Variants in ABL2 observed in about 807,000 individuals in gnomAD.
The protein encoded by ABL2 is ABL proto-oncogene 2, non-receptor tyrosine kinase.
In ABL2, 49 loss-of-function variants were observed where a neutral mutation model predicts 107.7. That is an observed-to-expected ratio of 0.45 (90% CI 0.36 to 0.58). The LOEUF (loss-of-function observed/expected upper bound fraction) is 0.58, where lower values mean the gene tolerates loss of function less well. ABL2 is among the 20% of genes least tolerant of loss of function. ABL2 has a pLI of 0.00. For synonymous variants in ABL2, 549 were observed against 548.6 expected (o/e 1.00, Z -0.01); for missense variants, 1,245 against 1,457.0 (o/e 0.85, Z 2.37).
At chr1:179,148,884 A>G (rs1418240589) in intron 1 of ABL2, among the ~76,000 whole-genome samples, 1 of 148,808 alleles carries the variant, frequency 6.7e-6, no homozygotes, top group Admixed American at 6.8e-5. Context: ...TAGGCAACAG[A>G]GCAAGACTCC....
At chr1:179,178,505 C>T (rs1660184330) in intron 1 of ABL2, among the ~76,000 whole-genome samples, 1 of 151,852 alleles carries the variant, frequency 6.6e-6, no homozygotes, top group African/African-American at 2.4e-5. Context: ...GTTTCCTCGT[C>T]CACTGTTTCA....
chr1:179,175,751 C>CT (rs1343557973), intron 1 of ABL2, among the ~76,000 whole-genome samples: 1 of 151,938 alleles, frequency 6.6e-6, no homozygotes. Context: ...AGCTCATGCC[C>CT]TAGGCAGTGA....
rs988766228 is a variant in ABL2 at position 179,160,194 on chromosome 1, A to G, written c.158-26820T>C. The stretch of plus-strand genomic sequence containing the variant: ...CTTATATAACTTCTATAATATTCAT[A>G]TAACTATTAATACTCATAAATATTA... On this transcript the variant is annotated intron_variant, in intron 1 of 11. Coordinates refer to ENST00000502732, the MANE Select transcript of ABL2 (RefSeq NM_007314.4). Among the ~76,000 whole-genome samples the G allele has an allele frequency of 3.9e-5, 6 of 152,080 alleles. No individual in the cohort carries two copies. In the East Asian group the frequency reaches 7.7e-4, roughly 20 times the overall value.
At chr1:179,182,381 TTTC>T (rs1660429731) in intron 1 of ABL2, among the ~76,000 whole-genome samples, 1 of 152,184 alleles carries the variant, frequency 6.6e-6, no homozygotes, top group African/African-American at 2.4e-5. Context: ...TCATACTGTA[TTTC>T]TCTAGTCCAT....
rs1419350599 is a variant in ABL2 at position 179,186,545 on chromosome 1, A to AT, written c.157+42695dup. ...AGGCGCCCACCACCATGCCCAGCTA[A>AT]TTTTTTTGTATTTTTAGTAGAGACG... On this transcript the variant is annotated intron_variant, in intron 1 of 11. Transcript: ENST00000502732. 4.0e-5 allele frequency among the ~76,000 whole-genome samples: 6 copies of AT among 151,122 alleles called. No individual in the cohort carries two copies. In the South Asian group the frequency reaches 1.0e-3, roughly 26 times the overall value.
At chr1:179,122,014 C>T (rs1655256165) in intron 4 of ABL2, 147 bp from the exon 5 acceptor site, 1 of 791,962 alleles carries the variant, frequency 1.3e-6, no homozygotes, top group Non-Finnish European at 1.9e-6. Context: ...CAAGCTCCGC[C>T]TCCCGGGTTC....
intron 1 of ABL2, among the ~76,000 whole-genome samples, chr1:179,209,208 T>C (rs1376726358): frequency 2.0e-5 from 3 of 152,146 alleles, no homozygotes; most frequent in South Asian, 2.1e-4. Flanking sequence ...ATTCCAGAGG[T>C]ACCCTCCCTT....
At chr1:179,111,201 CT>C (rs1482414311) in intron 10 of ABL2, among the ~76,000 whole-genome samples, 1 of 150,506 alleles carries the variant, frequency 6.6e-6, no homozygotes, top group African/African-American at 2.4e-5. Context: ...CCAGGCTGGT[CT>C]CGAACTCCGG....
chr1:179,131,237 C>A, intron 3 of ABL2, 74 bp downstream of exon 3: 1 of 1,509,004 alleles, frequency 6.6e-7, no homozygotes, highest in Admixed American at 1.9e-5. Flanking sequence ...AGCCACTGTG[C>A]CTGGCCAGGC....
intron 1 of ABL2, chr1:179,184,528 A>T: frequency 1.6e-6 from 1 of 630,204 alleles, no homozygotes. Flanking sequence ...CCATTACAGT[A>T]CTACTTGGTT....
intron 1 of ABL2, chr1:179,221,920 G>A (rs1004622504): frequency 1.0e-4 from 24 of 234,962 alleles, no homozygotes; most frequent in Non-Finnish European, 1.9e-4. Flanking sequence ...GATGGGTCAC[G>A]TAAAACCCAT....
At chr1:179,116,393 C>T (rs1654622008) in intron 8 of ABL2, among the ~76,000 whole-genome samples, 1 of 151,982 alleles carries the variant, frequency 6.6e-6, no homozygotes, top group Admixed American at 6.6e-5. Context: ...AAACAAAAAA[C>T]CTAATGTGGA....
intron 3 of ABL2, among the ~76,000 whole-genome samples, chr1:179,130,553 C>T (rs184199715): frequency 1.1e-4 from 16 of 152,262 alleles, no homozygotes; most frequent in Non-Finnish European, 2.1e-4. Flanking sequence ...GCCTAGACAA[C>T]ATAAATGTCT....
At position 179,229,640 on chromosome 1, in the gene ABL2, G is replaced by GCCGCCA. The variant is rs1387290013; in HGVS notation, c.-244_-243insTGGCGG. 12 of 496,914 alleles carry GCCGCCA rather than the reference G, an allele frequency of 2.4e-5. No homozygotes were observed. The highest frequency in any genetic ancestry group is 4.3e-5 in the Admixed American group (1 of 23,262). The allele number at this position is 496,914 out of a possible 1,614,324, so 30.8% of individuals were successfully genotyped here. On this transcript the variant is annotated 5_prime_UTR_variant, in exon 1 of 12. Coordinates refer to ENST00000502732, the MANE Select transcript of ABL2 (RefSeq NM_007314.4). ...GCGGCTCCGCGCCCCCAACGCCGCC[G>GCCGCCA]CCGCCGCCGCCGCCACCGCCGCCGC...
chr1:179,198,226 A>G (rs1198454565), intron 1 of ABL2, among the ~76,000 whole-genome samples: 1 of 151,758 alleles, frequency 6.6e-6, no homozygotes, highest in Non-Finnish European at 1.5e-5. Context: ...CTCCTAGTTT[A>G]AAAGAGAAGG....
intron 1 of ABL2, among the ~76,000 whole-genome samples, chr1:179,169,030 T>C (rs1047667102): frequency 1.3e-5 from 2 of 152,170 alleles, no homozygotes; most frequent in Non-Finnish European, 2.9e-5. Flanking sequence ...TTAGACAGAA[T>C]GGTTAGTAAT....
intron 1 of ABL2, among the ~76,000 whole-genome samples, chr1:179,224,176 AAAAT>A (rs1427914876): frequency 6.6e-6 from 1 of 151,226 alleles, no homozygotes; most frequent in Admixed American, 6.6e-5. Context: ...TCCAAAATAA[AAAAT>A]AAATAAATAA....
chr1:179,217,178 C>T (rs1282613219), intron 1 of ABL2, among the ~76,000 whole-genome samples: 3 of 151,530 alleles, frequency 2.0e-5, no homozygotes, highest in African/African-American at 7.3e-5. Flanking sequence ...CCTGTAATCC[C>T]AGCTACACAG....
In ABL2 at chr1:179,114,784, TAAC is replaced by T. The variant is rs1572621167; in HGVS notation, c.1561+91_1561+93del. On this transcript the variant is annotated intron_variant, in intron 9 of 11. Transcript: ENST00000502732. Reference sequence around the variant, plus strand: ...AAATGTCATGAGGCTGGATTCAATCTAACAACACTGAGAGGAGAAATGTTTCTA... The same window carrying T: ...AAATGTCATGAGGCTGGATTCAATCTAACACTGAGAGGAGAAATGTTTCTA... 22 of 1,313,962 alleles carry T rather than the reference TAAC, an allele frequency of 1.7e-5. No individual in the cohort carries two copies. The East Asian group carries it at 5.2e-4, about 31-fold the overall frequency. 81.4% of individuals were successfully genotyped at this position (1,313,962 alleles called of 1,614,324 possible). A position where few individuals can be genotyped will look rare whatever the true frequency, so the allele number is the denominator to read the frequency against.
Sources: allele counts gnomAD v4.1 joint callset (sites outside exome capture counted in the v4.1 genomes callset), GRCh38; gene constraint gnomAD v4.1.1; transcripts MANE v1.5; gene names NCBI Gene and HGNC (gene_info 2026-07-23, HGNC 2026-07-21).